Variants in RIC3 observed in about 807,000 individuals in gnomAD.
The protein encoded by RIC3 is protein RIC-3.
In RIC3, 28 loss-of-function variants were observed where a neutral mutation model predicts 27.3. The observed-to-expected ratio is 1.02, with a 90% CI of 0.76 to 1.41. The LOEUF (loss-of-function observed/expected upper bound fraction) is 1.41, where lower values mean the gene tolerates loss of function less well. Ranked by LOEUF, RIC3 falls within the 40% of genes most tolerant of loss-of-function variation. RIC3 has a pLI of 0.00. For missense variants in RIC3, 501 were observed against 444.7 expected (o/e 1.13, Z -1.14); for synonymous variants, 184 against 160.4 (o/e 1.15, Z -1.11).
the RIC3 span, chr11:8,097,204 G>A: frequency 1.2e-6 from 2 of 1,613,200 alleles, no homozygotes; most frequent in Admixed American, 3.3e-5. Context: ...TTGGGGCTCA[G>A]GCACCTATTC....
At chr11:8,154,225 A>G (rs1950478680) in intron 1 of RIC3, among the ~76,000 whole-genome samples, 1 of 152,128 alleles carries the variant, frequency 6.6e-6, no homozygotes, top group South Asian at 2.1e-4. Flanking sequence ...CTTTTCCCCC[A>G]CACCCTCTCT....
intron 4 of RIC3, among the ~76,000 whole-genome samples, chr11:8,127,445 C>T (rs1365670637): frequency 6.6e-6 from 1 of 152,222 alleles, no homozygotes; most frequent in African/African-American, 2.4e-5. Context: ...ACTAAAACCA[C>T]CCAGGCTTCT....
intron 1 of RIC3, among the ~76,000 whole-genome samples, chr11:8,159,558 G>C (rs1950991644): frequency 6.6e-6 from 1 of 152,196 alleles, no homozygotes; most frequent in African/African-American, 2.4e-5. Flanking sequence ...CAGGGTGACA[G>C]AGTAAGATGG....
intron 1 of RIC3, among the ~76,000 whole-genome samples, chr11:8,164,340 G>C (rs1371680949): frequency 6.6e-6 from 1 of 152,184 alleles, no homozygotes; most frequent in Non-Finnish European, 1.5e-5. Flanking sequence ...GACTTTGTCA[G>C]AGAAAATGTA....
In RIC3 at chr11:8,126,773, G is replaced by C; in HGVS notation, c.556C>G (p.Arg186Gly). 1 of 1,614,046 alleles carries C rather than the reference G, an allele frequency of 6.2e-7. No homozygotes were observed. The highest frequency in any genetic ancestry group is 1.7e-5 in the Admixed American group (1 of 60,016). The change falls in exon 5 of 6, where the codon CGG (arginine) becomes GGG (glycine). Residue 186 changes from arginine (R) to glycine (G), a missense_variant. Transcript: ENST00000309737. Reference sequence around the variant, plus strand: ...ATTTCTCGGAGCTGATGTAGCAACCGTTTCTCTTGGTCAGAAGTCACAGTC... The same window carrying C: ...ATTTCTCGGAGCTGATGTAGCAACCCTTTCTCTTGGTCAGAAGTCACAGTC... The part of the protein sequence containing the change: ...AQTVTSDQEK[R>G]LLHQLREITR...
chr11:8,127,228 G>A (rs1373099853), intron 4 of RIC3, among the ~76,000 whole-genome samples: 1 of 152,054 alleles, frequency 6.6e-6, no homozygotes, highest in Non-Finnish European at 1.5e-5. Context: ...AAACGTTCTG[G>A]GCCATTAGCA....
downstream of RIC3, chr11:8,105,880 TAGGAA>T (rs1944575198): frequency 6.6e-6 from 1 of 152,194 alleles, no homozygotes; most frequent in African/African-American, 2.4e-5. Flanking sequence ...TTAGGATGGC[TAGGAA>T]AGGGAAGCCT....
At chr11:8,111,862 A>C (rs1038914623) in intron 5 of RIC3, among the ~76,000 whole-genome samples, 7 of 152,258 alleles carry the variant, frequency 4.6e-5, no homozygotes, top group Non-Finnish European at 1.0e-4. Context: ...ACCAAACTAA[A>C]TGAAATAAAT....
intron 5 of RIC3, among the ~76,000 whole-genome samples, chr11:8,113,497 A>T (rs146813562): frequency 3.9e-5 from 6 of 152,178 alleles, no homozygotes; most frequent in African/African-American, 1.4e-4. Flanking sequence ...TAGGTTCCAG[A>T]CAAAACCAGA....
At chr11:8,161,900 AAT>A (rs1951197375) in intron 1 of RIC3, among the ~76,000 whole-genome samples, 1 of 146,506 alleles carries the variant, frequency 6.8e-6, no homozygotes, top group Admixed American at 7.0e-5. Context: ...TGTTGCTATA[AAT>A]GAGACACTCA....
chr11:8,131,900 C>CAAAAAA (rs796158730), intron 4 of RIC3, among the ~76,000 whole-genome samples: 13 of 26,178 alleles, frequency 5.0e-4, no homozygotes, highest in Admixed American at 2.5e-3. Context: ...GACTCCATCT[C>CAAAAAA]AAAAAAAAAA....
At chr11:8,105,861 G>C (rs903519769), downstream of RIC3, 1 of 152,144 alleles carries the variant, frequency 6.6e-6, no homozygotes, top group African/African-American at 2.4e-5. Flanking sequence ...GAGTTTCCTA[G>C]AACGCAACTT....
At chr11:8,101,976 A>G (rs1379616749), downstream of RIC3, 53 of 269,394 alleles carry the variant, frequency 2.0e-4, no homozygotes, top group Admixed American at 2.5e-3. Flanking sequence ...GAGGAAGCAC[A>G]CTGCAGGGCT....
At chr11:8,096,725 T>TGAGGAGGAG in the RIC3 span, 4 of 1,613,868 alleles carry the variant, frequency 2.5e-6, no homozygotes, top group Non-Finnish European at 3.4e-6. Flanking sequence ...ATGAGGAGGA[T>TGAGGAGGAG]GAGGAGGAGA....
chr11:8,101,047 C>CT, the RIC3 span: 1 of 1,605,118 alleles, frequency 6.2e-7, no homozygotes, highest in Non-Finnish European at 8.5e-7. Flanking sequence ...ACCCAAGGCC[C>CT]TTAGCGTAGG....
intron 1 of RIC3, among the ~76,000 whole-genome samples, chr11:8,150,495 G>C (rs1421115663): frequency 6.6e-6 from 1 of 152,142 alleles, no homozygotes; most frequent in Non-Finnish European, 1.5e-5. Flanking sequence ...TCCAGTTGTT[G>C]ATGGAATACA....
In RIC3 at chr11:8,129,045, C is replaced by A. The variant is rs549718363; in HGVS notation, c.522-2238G>T. On this transcript the variant is annotated intron_variant, in intron 4 of 5. Transcript: ENST00000309737. ...CTGGGATTACAGGCGTGAGCCACAG[C>A]GCCCGGCCAAAAACTTTTACTCCTA... Among the ~76,000 whole-genome samples, 5 of 152,084 alleles carry A rather than the reference C, an allele frequency of 3.3e-5. No individual in the cohort carries two copies. The East Asian group carries it at 9.7e-4, about 30-fold the overall frequency.
intron 1 of RIC3, among the ~76,000 whole-genome samples, chr11:8,165,564 T>C (rs1951601850): frequency 6.6e-6 from 1 of 152,132 alleles, no homozygotes; most frequent in Admixed American, 6.5e-5. Flanking sequence ...AGCTAAAAAG[T>C]ACAGGGTTTC....
the RIC3 span, chr11:8,097,973 G>C: frequency 1.5e-6 from 1 of 656,560 alleles, no homozygotes; most frequent in Non-Finnish European, 2.6e-6. Flanking sequence ...CATCCAACTG[G>C]AGGCCTATGT....
Sources: allele counts gnomAD v4.1 joint callset (sites outside exome capture counted in the v4.1 genomes callset), GRCh38; gene constraint gnomAD v4.1.1; transcripts MANE v1.5; gene names NCBI Gene and HGNC (gene_info 2026-07-23, HGNC 2026-07-21).